The following DMD variants were observed in gnomAD, a reference collection of about 807,000 sequenced individuals.
The protein encoded by DMD is mutant dystrophin.
In DMD, 63 loss-of-function variants were observed where a neutral mutation model predicts 330.1. That is an observed-to-expected ratio of 0.19 (90% CI 0.16 to 0.24). DMD has a LOEUF of 0.24. Ranked by LOEUF, DMD falls within the 10% of genes least tolerant of loss-of-function variation. DMD has a pLI of 1.00. For synonymous variants in DMD, 1,223 were observed against 959.8 expected (o/e 1.27, Z -5.07); for missense variants, 3,344 against 2,684.1 (o/e 1.25, Z -5.43).
At chrX:33,289,441 TA>T (rs1462989458) in intron 1 of DMD, among the ~76,000 whole-genome samples, 1 of 111,318 alleles carries the variant, frequency 9.0e-6, no homozygotes, top group Non-Finnish European at 1.9e-5. Context: ...CAATATATTT[TA>T]AAAACTGTAC....
intron 44 of DMD, among the ~76,000 whole-genome samples, chrX:31,976,778 C>G (rs1360052542): frequency 9.0e-6 from 1 of 111,714 alleles, no homozygotes; most frequent in Non-Finnish European, 1.9e-5. Context: ...CCTTAATACA[C>G]TTCTATTCTG....
intron 2 of DMD, among the ~76,000 whole-genome samples, chrX:32,982,812 C>A (rs769070796): frequency 8.9e-6 from 1 of 112,025 alleles, no homozygotes; most frequent in Non-Finnish European, 1.9e-5. Context: ...TCTCCTGACA[C>A]TTTCTAGGAC....
chrX:31,999,284 C>A (rs756482773), intron 44 of DMD, among the ~76,000 whole-genome samples: 2 of 111,822 alleles, frequency 1.8e-5, no homozygotes. Flanking sequence ...TACCTGTACC[C>A]AACGTACAGT....
intron 55 of DMD, among the ~76,000 whole-genome samples, chrX:31,522,221 T>C (rs1164890429): frequency 1.9e-5 from 2 of 105,094 alleles, no homozygotes; most frequent in Non-Finnish European, 3.9e-5. Flanking sequence ...ATGAATGAAG[T>C]TGAAGATAAG....
intron 7 of DMD, among the ~76,000 whole-genome samples, chrX:32,734,223 G>T (rs1459122839): frequency 1.9e-5 from 2 of 106,147 alleles, no homozygotes; most frequent in Non-Finnish European, 3.8e-5. Flanking sequence ...GGAAGAAGTT[G>T]AATCTCTGAA....
intron 60 of DMD, among the ~76,000 whole-genome samples, chrX:31,400,245 T>G (rs1319261719): frequency 1.8e-5 from 2 of 111,826 alleles, no homozygotes; most frequent in African/African-American, 6.5e-5. Context: ...GATAGATGCT[T>G]ATCTGATTGC....
At chrX:31,503,147 C>A (rs1308391855) in intron 56 of DMD, among the ~76,000 whole-genome samples, 2 of 112,029 alleles carry the variant, frequency 1.8e-5, no homozygotes, top group African/African-American at 6.5e-5. Flanking sequence ...AATTAAATTT[C>A]TTTTCTCTCA....
intron 30 of DMD, among the ~76,000 whole-genome samples, chrX:32,399,099 T>A (rs893426763): frequency 3.6e-5 from 4 of 112,100 alleles, no homozygotes; most frequent in African/African-American, 1.3e-4. Context: ...ATGGATTAAA[T>A]ACTTAAATCT....
intron 33 of DMD, among the ~76,000 whole-genome samples, chrX:32,382,959 T>C: frequency 9.0e-6 from 1 of 111,069 alleles, no homozygotes; most frequent in Admixed American, 9.6e-5. Flanking sequence ...CCACCTGCAG[T>C]AAAATGTTTT....
intron 30 of DMD, among the ~76,000 whole-genome samples, chrX:32,395,803 T>C (rs2098039769): frequency 9.0e-6 from 1 of 111,076 alleles, no homozygotes; most frequent in African/African-American, 3.3e-5. Flanking sequence ...GTGCTTAATT[T>C]AATGGGAGGA....
chrX:32,665,717 A>C (rs1178302218), intron 9 of DMD, among the ~76,000 whole-genome samples: 1 of 112,048 alleles, frequency 8.9e-6, no homozygotes, highest in East Asian at 2.8e-4. Flanking sequence ...GGGAAGCGAA[A>C]TATGAACTGA....
At chrX:32,121,671 G>A (rs1369890624) in intron 44 of DMD, among the ~76,000 whole-genome samples, 7 of 49,636 alleles carry the variant, frequency 1.4e-4, no homozygotes, top group African/African-American at 5.1e-4. Flanking sequence ...ATATGTATTC[G>A]GTTTTATTCA....
In DMD at chrX:32,347,304, A is replaced by G. The variant is rs73619059; in HGVS notation, c.5448+1102T>C. Among the ~76,000 whole-genome samples, 5 of 111,380 alleles carry G rather than the reference A, an allele frequency of 4.5e-5. No homozygotes were observed. The South Asian group carries it at 1.8e-3, about 41-fold the overall frequency. On this transcript the variant is annotated intron_variant, in intron 38 of 78. Coordinates refer to ENST00000357033, the MANE Select transcript of DMD (RefSeq NM_004006.3). ...CTGAGGACAAAAACAACAAAAAATTAAAAAACCCACTTCACTTCTTTCCCT... is the reference window on the plus strand; with the variant it reads ...CTGAGGACAAAAACAACAAAAAATTGAAAAACCCACTTCACTTCTTTCCCT...
At chrX:32,089,269 A>G (rs751982332) in intron 44 of DMD, among the ~76,000 whole-genome samples, 1 of 111,621 alleles carries the variant, frequency 9.0e-6, no homozygotes, top group East Asian at 2.8e-4. Context: ...TTGTACTGAA[A>G]ATAAGATACG....
At chrX:33,014,151 T>C (rs1271454883) in intron 2 of DMD, among the ~76,000 whole-genome samples, 1 of 111,563 alleles carries the variant, frequency 9.0e-6, no homozygotes, top group South Asian at 3.7e-4. Flanking sequence ...AGAGGTTTAA[T>C]GAGCTTCCTC....
At chrX:32,592,700 A>T (rs930506942) in intron 13 of DMD, among the ~76,000 whole-genome samples, 1 of 111,741 alleles carries the variant, frequency 8.9e-6, no homozygotes, top group Non-Finnish European at 1.9e-5. Flanking sequence ...CCCCCCACTC[A>T]CCATGCTATG....
intron 1 of DMD, among the ~76,000 whole-genome samples, chrX:33,020,733 T>A: frequency 9.0e-6 from 1 of 111,531 alleles, no homozygotes. Flanking sequence ...TCAAATACTG[T>A]ATGATTATAA....
intron 2 of DMD, among the ~76,000 whole-genome samples, chrX:32,959,664 G>A (rs1480981964): frequency 9.0e-6 from 1 of 110,846 alleles, no homozygotes; most frequent in Non-Finnish European, 1.9e-5. Flanking sequence ...TGATTCTACT[G>A]GGACAACCTA....
At chrX:32,976,685 G>A (rs5928127) in intron 2 of DMD, among the ~76,000 whole-genome samples, 2 of 110,416 alleles carry the variant, frequency 1.8e-5, no homozygotes, top group East Asian at 5.8e-4. Context: ...AGCATTTCGA[G>A]CTGTCTACTT....
Sources: gnomAD v4.1 joint callset for allele counts (sites outside exome capture counted in the v4.1 genomes callset) on GRCh38, gnomAD v4.1.1 for gene constraint, MANE v1.5 for transcripts, NCBI Gene and HGNC (gene_info 2026-07-23, HGNC 2026-07-21) for gene names.